Variants in KIAA1549 observed in about 807,000 individuals in gnomAD.
KIAA1549 encodes the protein KIAA1549.
A neutral mutation model predicts 156.4 loss-of-function variants in KIAA1549; 70 were observed. The ratio of observed to expected loss-of-function variants is 0.45; its 90% CI spans 0.37 to 0.55. The LOEUF (loss-of-function observed/expected upper bound fraction) is 0.55, where lower values mean the gene tolerates loss of function less well. KIAA1549 is among the 20% of genes least tolerant of loss of function. The probability of loss-of-function intolerance (pLI) is 0.00; values close to 1 mark genes in which losing one functional copy is unlikely to be tolerated. For synonymous variants in KIAA1549, 1,103 were observed against 1,066.4 expected (o/e 1.03, Z -0.67); for missense variants, 2,428 against 2,540.9 (o/e 0.96, Z 0.96).
intron 10 of KIAA1549, among the ~76,000 whole-genome samples, chr7:138,884,174 G>C (rs1182036955): frequency 6.6e-6 from 1 of 152,204 alleles, no homozygotes; most frequent in African/African-American, 2.4e-5. Context: ...GGAGCTTCTG[G>C]AAGGCTGAAC....
intron 1 of KIAA1549, among the ~76,000 whole-genome samples, chr7:138,977,880 A>G (rs1233621513): frequency 1.3e-5 from 2 of 152,184 alleles, no homozygotes; most frequent in African/African-American, 2.4e-5. Context: ...CTGTATTTTT[A>G]GTAGAGACGG....
chr7:138,930,800 G>T (rs6942786), intron 1 of KIAA1549, among the ~76,000 whole-genome samples: 34,102 of 152,136 alleles, frequency 0.22, 4,314 homozygotes, highest in African/African-American at 0.34. Context: ...GTTCGTTGTG[G>T]TACTACTTTT....
chr7:138,957,860 T>C (rs1461886014), intron 1 of KIAA1549, among the ~76,000 whole-genome samples: 1 of 152,082 alleles, frequency 6.6e-6, no homozygotes, highest in Non-Finnish European at 1.5e-5. Context: ...TGTCCCTTAT[T>C]CTCTCTTTGT....
intron 17 of KIAA1549, among the ~76,000 whole-genome samples, chr7:138,845,557 G>C (rs547330973): frequency 9.9e-5 from 15 of 152,278 alleles, no homozygotes; most frequent in Middle Eastern, 3.4e-3. Flanking sequence ...AAAACCCATA[G>C]CTCCATCTTG....
rs567760453 is a variant in KIAA1549 at position 138,973,653 on chromosome 7, C to CT, written c.187+7429dup. Reference sequence around the variant, plus strand: ...ACCATCAAGTACAACATTTAACAAGCTTTTTTTTTGTTTTAAGTTCTTGCT... The same window carrying CT: ...ACCATCAAGTACAACATTTAACAAGCTTTTTTTTTTGTTTTAAGTTCTTGCT... On this transcript the variant is annotated intron_variant, in intron 1 of 19. Transcript: ENST00000422774. Among the ~76,000 whole-genome samples the CT allele has an allele frequency of 5.3e-5, 8 of 151,474 alleles. No individual in the cohort carries two copies. The South Asian group carries it at 8.4e-4, about 16-fold the overall frequency.
chr7:138,938,299 T>C (rs55838238), intron 1 of KIAA1549, among the ~76,000 whole-genome samples: 14,122 of 152,274 alleles, frequency 0.093, 925 homozygotes, highest in African/African-American at 0.18. Context: ...TATTTTGTTA[T>C]AGCAGCCCAA....
intron 1 of KIAA1549, among the ~76,000 whole-genome samples, chr7:138,932,610 G>T (rs908800639): frequency 6.6e-6 from 1 of 152,202 alleles, no homozygotes; most frequent in Non-Finnish European, 1.5e-5. Flanking sequence ...GCTAATGGGG[G>T]CAAGAGGAGA....
intron 1 of KIAA1549, among the ~76,000 whole-genome samples, chr7:138,945,751 T>G (rs1013853432): frequency 5.9e-5 from 9 of 152,184 alleles, no homozygotes; most frequent in African/African-American, 1.9e-4. Flanking sequence ...ACTTTAAAAG[T>G]AGATTATAAA....
Position 138,832,254 on chromosome 7 carries a change from T to C in KIAA1549, c.*5652A>G, listed in dbSNP as rs948026964. On this transcript the variant is annotated 3_prime_UTR_variant, in exon 20 of 20. Transcript: ENST00000422774. ...CCCTGCAGCCCAGGCTGGAGTGCAGTGGCGTGATTATAGCTCACTGCAGCC... is the reference window on the plus strand; with the variant it reads ...CCCTGCAGCCCAGGCTGGAGTGCAGCGGCGTGATTATAGCTCACTGCAGCC... 2.0e-5 allele frequency: 4 copies of C among 200,262 alleles called. No individual in the cohort carries two copies. The highest frequency in any genetic ancestry group is 3.0e-5 in the Non-Finnish European group (3 of 99,366). The allele number at this position is 200,262 out of a possible 1,614,324, so 12.4% of individuals were successfully genotyped here.
chr7:138,885,153 C>T (rs563241816), intron 10 of KIAA1549, among the ~76,000 whole-genome samples: 2 of 152,334 alleles, frequency 1.3e-5, no homozygotes, highest in East Asian at 3.9e-4. Context: ...TGAGATCGAA[C>T]CGTTGTACTC....
chr7:138,911,786 C>T (rs1812176729), intron 3 of KIAA1549, among the ~76,000 whole-genome samples: 1 of 151,920 alleles, frequency 6.6e-6, no homozygotes, highest in South Asian at 2.1e-4. Context: ...GATATTCTAC[C>T]CTCCTTTTTT....
chr7:138,948,249 G>A (rs773210991), intron 1 of KIAA1549, among the ~76,000 whole-genome samples: 7 of 152,198 alleles, frequency 4.6e-5, no homozygotes, highest in Non-Finnish European at 1.0e-4. Context: ...CATGGCCAGT[G>A]TCCTCACGAA....
intron 5 of KIAA1549, among the ~76,000 whole-genome samples, chr7:138,908,261 GAC>G (rs1367209516): frequency 3.2e-4 from 49 of 152,148 alleles, no homozygotes; most frequent in Admixed American, 9.8e-4. Context: ...GGAAACAGAA[GAC>G]GCATTTTAAC....
In KIAA1549 at chr7:138,836,630, G is replaced by A. The variant is rs971339952; in HGVS notation, c.*1276C>T. On this transcript the variant is annotated 3_prime_UTR_variant, in exon 20 of 20. Transcript: ENST00000422774. ...TTTCTTTACCATTATTTGGAAAGTG[G>A]GGGAAATGTTTACATCAGGAGTACA... 2 of 219,232 alleles carry A rather than the reference G, an allele frequency of 9.1e-6. No individual in the cohort carries two copies. The highest frequency in any genetic ancestry group is 4.5e-5 in the African/African-American group (2 of 44,536). The allele number at this position is 219,232 out of a possible 1,614,324, so 13.6% of individuals were successfully genotyped here.
At chr7:138,950,941 G>A (rs929988982) in intron 1 of KIAA1549, among the ~76,000 whole-genome samples, 8 of 151,806 alleles carry the variant, frequency 5.3e-5, no homozygotes, top group African/African-American at 1.9e-4. Flanking sequence ...TGAGGTCCCC[G>A]ACCACCTCGC....
At chr7:138,862,483 AAC>A (rs1318724650) in intron 15 of KIAA1549, among the ~76,000 whole-genome samples, 1 of 150,778 alleles carries the variant, frequency 6.6e-6, no homozygotes, top group East Asian at 2.0e-4. Flanking sequence ...TAGCCTGGGT[AAC>A]AGAGAGACCT....
intron 15 of KIAA1549, among the ~76,000 whole-genome samples, chr7:138,864,818 C>G (rs1039446607): frequency 6.6e-6 from 1 of 152,206 alleles, no homozygotes; most frequent in Non-Finnish European, 1.5e-5. Context: ...AAGGGCCAGA[C>G]AGTAAAGACT....
chr7:138,856,368 T>C (rs932149570), intron 16 of KIAA1549, among the ~76,000 whole-genome samples: 4 of 152,142 alleles, frequency 2.6e-5, no homozygotes, highest in African/African-American at 7.2e-5. Flanking sequence ...CTTTTGTGAA[T>C]TGTCAGACTC....
intron 17 of KIAA1549, among the ~76,000 whole-genome samples, chr7:138,847,639 T>A (rs923175385): frequency 6.6e-6 from 1 of 152,248 alleles, no homozygotes; most frequent in Non-Finnish European, 1.5e-5. Flanking sequence ...TGTACCATCT[T>A]AATCACTTGA....
Sources: gnomAD v4.1 joint callset for allele counts (sites outside exome capture counted in the v4.1 genomes callset) on GRCh38, gnomAD v4.1.1 for gene constraint, MANE v1.5 for transcripts, NCBI Gene and HGNC (gene_info 2026-07-23, HGNC 2026-07-21) for gene names.